C12orf42: variants seen among roughly 807,000 people sequenced by gnomAD.
C12orf42 encodes the protein chromosome 12 open reading frame 42.
A neutral mutation model predicts 21.6 loss-of-function variants in C12orf42; 25 were observed. That is an observed-to-expected ratio of 1.16 (90% CI 0.84 to 1.62). C12orf42 has a LOEUF of 1.62. Ranked by LOEUF, C12orf42 falls within the 40% of genes most tolerant of loss-of-function variation. The probability of loss-of-function intolerance (pLI) is 0.00; values close to 1 mark genes in which losing one functional copy is unlikely to be tolerated. For synonymous variants in C12orf42, 174 were observed against 175.0 expected (o/e 0.99, Z 0.05); for missense variants, 483 against 459.3 (o/e 1.05, Z -0.47).
the C12orf42 span, among the ~76,000 whole-genome samples, chr12:103,094,022 G>C: frequency 6.6e-6 from 1 of 152,202 alleles, no homozygotes; most frequent in Non-Finnish European, 1.5e-5. Context: ...TATTTGGCTA[G>C]ATATGAGAGG....
At chr12:103,423,877 C>T (rs1046666075) in intron 2 of C12orf42, among the ~76,000 whole-genome samples, 1 of 152,198 alleles carries the variant, frequency 6.6e-6, no homozygotes, top group African/African-American at 2.4e-5. Flanking sequence ...AATTAGACTC[C>T]AGAGTAGTTC....
At chr12:103,478,284 G>T in intron 2 of C12orf42, 65 bp downstream of exon 2, 3 of 992,198 alleles carry the variant, frequency 3.0e-6, no homozygotes, top group Non-Finnish European at 3.0e-6. Context: ...ACAATTAGTG[G>T]CTGAAATGGA....
the C12orf42 span, among the ~76,000 whole-genome samples, chr12:103,049,481 T>C: frequency 6.6e-6 from 1 of 152,078 alleles, no homozygotes; most frequent in Non-Finnish European, 1.5e-5. Flanking sequence ...TCCTAATTAT[T>C]CTCTCCCCTT....
At chr12:103,279,845 C>T (rs1296598316) in intron 4 of C12orf42, among the ~76,000 whole-genome samples, 1 of 152,144 alleles carries the variant, frequency 6.6e-6, no homozygotes, top group African/African-American at 2.4e-5. Flanking sequence ...GTAACCCAGA[C>T]ATAAGTTGTA....
the C12orf42 span, among the ~76,000 whole-genome samples, chr12:103,053,492 G>C: frequency 5.3e-5 from 8 of 151,844 alleles, no homozygotes; most frequent in Admixed American, 5.3e-4. Flanking sequence ...ACATATTCTA[G>C]ATACTAGTCC....
At chr12:103,320,418 G>A (rs190639104) in intron 4 of C12orf42, among the ~76,000 whole-genome samples, 10 of 152,160 alleles carry the variant, frequency 6.6e-5, no homozygotes, top group East Asian at 1.9e-4. Flanking sequence ...AGTAAAGACC[G>A]GTAAATCCAT....
chr12:103,070,317 T>G, the C12orf42 span, among the ~76,000 whole-genome samples: 1 of 152,104 alleles, frequency 6.6e-6, no homozygotes, highest in Non-Finnish European at 1.5e-5. Flanking sequence ...AAGCTCTATT[T>G]GGGTTCTCTT....
the C12orf42 span, among the ~76,000 whole-genome samples, chr12:103,141,529 CTTT>C: frequency 1.6e-5 from 2 of 125,806 alleles, no homozygotes; most frequent in Admixed American, 8.3e-5. Context: ...AATAATAACA[CTTT>C]TTTTTTTTTT....
chr12:103,552,061 T>C, the C12orf42 span, among the ~76,000 whole-genome samples: 2 of 152,198 alleles, frequency 1.3e-5, no homozygotes, highest in Non-Finnish European at 2.9e-5. Flanking sequence ...CTGTTTATTG[T>C]GATCTCTTAT....
intron 4 of C12orf42, among the ~76,000 whole-genome samples, chr12:103,365,511 A>C (rs982127382): frequency 6.6e-6 from 1 of 152,104 alleles, no homozygotes; most frequent in Non-Finnish European, 1.5e-5. Flanking sequence ...AGGGCATCCA[A>C]ATCAGTAAAA....
intron 4 of C12orf42, among the ~76,000 whole-genome samples, chr12:103,349,585 C>CT (rs770344973): frequency 7.2e-5 from 11 of 151,922 alleles, no homozygotes; most frequent in South Asian, 2.1e-4. Context: ...CTTTTCATCT[C>CT]TTTTTTTTCA....
the C12orf42 span, among the ~76,000 whole-genome samples, chr12:103,147,725 T>C: frequency 9.2e-5 from 14 of 151,414 alleles, no homozygotes; most frequent in Non-Finnish European, 1.6e-4. Context: ...GGAATGTTGG[T>C]ACAGTATATG....
At chr12:103,433,467 A>C (rs1408739510) in intron 2 of C12orf42, among the ~76,000 whole-genome samples, 1 of 152,192 alleles carries the variant, frequency 6.6e-6, no homozygotes, top group Admixed American at 6.5e-5. Flanking sequence ...AATATGATGC[A>C]ACAAGAAGGA....
intron 4 of C12orf42, among the ~76,000 whole-genome samples, chr12:103,339,559 G>A (rs1476913754): frequency 6.6e-6 from 1 of 152,140 alleles, no homozygotes; most frequent in Non-Finnish European, 1.5e-5. Flanking sequence ...TTTAAAATAA[G>A]ATATACATAT....
At chr12:103,102,691 A>T in the C12orf42 span, among the ~76,000 whole-genome samples, 1 of 152,266 alleles carries the variant, frequency 6.6e-6, no homozygotes, top group Non-Finnish European at 1.5e-5. Flanking sequence ...GTATAAAGTT[A>T]GCACAAATTT....
downstream of C12orf42, among the ~76,000 whole-genome samples, chr12:103,264,002 C>T (rs1187676938): frequency 1.3e-5 from 2 of 152,106 alleles, no homozygotes; most frequent in Admixed American, 6.5e-5. Flanking sequence ...ATGTAAGTTA[C>T]ATTTCCTCTC....
chr12:103,124,154 G>A, the C12orf42 span, among the ~76,000 whole-genome samples: 1 of 94,312 alleles, frequency 1.1e-5, no homozygotes, highest in East Asian at 4.1e-4. Context: ...CCAAACATAA[G>A]CTTTTTTTTT....
At chr12:103,100,196 C>T in the C12orf42 span, among the ~76,000 whole-genome samples, 2 of 152,214 alleles carry the variant, frequency 1.3e-5, no homozygotes, top group Non-Finnish European at 2.9e-5. Context: ...ACATGCCATC[C>T]CCACAGGACT....
intron 2 of C12orf42, among the ~76,000 whole-genome samples, chr12:103,431,510 G>A (rs573905881): frequency 2.6e-5 from 4 of 152,256 alleles, no homozygotes; most frequent in African/African-American, 9.6e-5. Flanking sequence ...TGGCAACACA[G>A]GCAAGTTAAC....
Sources: gnomAD v4.1 joint callset for allele counts (sites outside exome capture counted in the v4.1 genomes callset) on GRCh38, gnomAD v4.1.1 for gene constraint, MANE v1.5 for transcripts, NCBI Gene and HGNC (gene_info 2026-07-23, HGNC 2026-07-21) for gene names.